The following LAMB4 variants were observed in gnomAD, a reference collection of about 807,000 sequenced individuals.
LAMB4 encodes laminin subunit beta 4.
A neutral mutation model predicts 199.2 loss-of-function variants in LAMB4; 196 were observed. The observed-to-expected ratio is 0.98, with a 90% CI of 0.88 to 1.11. The LOEUF is 1.11. LAMB4 is among the 50% of genes least tolerant of loss of function. The pLI is 0.00. For synonymous variants in LAMB4, 744 were observed against 770.6 expected, an observed-to-expected ratio of 0.97 and a Z score of 0.57; for missense variants, 2,080 against 2,171.2, an observed-to-expected ratio of 0.96 and a Z score of 0.83.
At chr7:108,108,908 T>C (rs1175249460) in intron 5 of LAMB4, among the ~76,000 whole-genome samples, 2 of 152,204 alleles carry the variant, frequency 1.3e-5, no homozygotes, top group Non-Finnish European at 2.9e-5. Flanking sequence ...ATAGTTCTTA[T>C]GGTTCCTATC....
chr7:108,017,333 C>G, the LAMB4 span, among the ~76,000 whole-genome samples: 1 of 152,106 alleles, frequency 6.6e-6, no homozygotes, highest in South Asian at 2.1e-4. Flanking sequence ...TAAGAGACAT[C>G]CTACCTAGGC....
At chr7:108,098,196 G>A (rs2037687855) in intron 11 of LAMB4, among the ~76,000 whole-genome samples, 1 of 152,150 alleles carries the variant, frequency 6.6e-6, no homozygotes, top group African/African-American at 2.4e-5. Context: ...ATCTGGGCGT[G>A]GTGGTGGTCG....
rs1307075599 is a variant in LAMB4, at chr7:108,029,149, T to C, written c.5040A>G (p.Thr1680=). ...KKQYAILQRK[T]STTGLTKETL... ...TCTCCTTTGTTAGTCCTGTAGTGCT[T>C]GTCTTACGTTGGAGAATAGCATATT... Residue 1680 remains threonine, a synonymous_variant, in exon 33 of 34, where the codon ACA becomes ACG. Transcript: ENST00000388781. 1.2e-6 allele frequency: 2 copies of C among 1,613,646 alleles called. No homozygotes were observed. Among genetic ancestry groups the C allele is most frequent in the South Asian group, 1.1e-5 (1 of 90,872 alleles).
intron 14 of LAMB4, among the ~76,000 whole-genome samples, chr7:108,087,161 C>T (rs568414609): frequency 2.0e-5 from 3 of 152,288 alleles, no homozygotes; most frequent in Non-Finnish European, 2.9e-5. Flanking sequence ...TGGGGTATTT[C>T]TCCATAATCT....
At position 108,040,781 on chromosome 7, in the gene LAMB4, A is replaced by G. The variant is rs182268909; in HGVS notation, c.4471+2971T>C. 1.8e-4 allele frequency among the ~76,000 whole-genome samples: 28 copies of G among 152,300 alleles called. No homozygotes were observed. In the East Asian group the frequency reaches 2.9e-3, roughly 16 times the overall value. ...AACTCAAGATGGATTAAAGACTAAA[A>G]TGTAAAACCCAAAAGTATAAAAACC... is the stretch of plus-strand genomic sequence containing the variant. On this transcript the variant is annotated intron_variant, in intron 29 of 33. Transcript: ENST00000388781.
rs2038728767 is a variant in LAMB4 at position 108,125,044 on chromosome 7, C to T, written c.-33-1847G>A. Among the ~76,000 whole-genome samples the T allele has an allele frequency of 3.3e-5, 5 of 152,310 alleles. No individual in the cohort carries two copies. The South Asian group carries it at 1.0e-3, about 32-fold the overall frequency. On this transcript the variant is annotated intron_variant, in intron 1 of 33. Coordinates refer to ENST00000388781, the MANE Select transcript of LAMB4 (RefSeq NM_007356.3). ...TAGGGTTCACTTTGGAAGTCCAATG[C>T]TGGAAAGTGACTCACTGAGAAACAG...
intron 33 of LAMB4, among the ~76,000 whole-genome samples, chr7:108,028,045 A>C (rs1423636589): frequency 6.6e-6 from 1 of 152,134 alleles, no homozygotes; most frequent in South Asian, 2.1e-4. Context: ...CAGCCTCCCA[A>C]AGTGTTGGGA....
At chr7:108,032,040 C>G (rs1246321756) in intron 31 of LAMB4, among the ~76,000 whole-genome samples, 4 of 152,004 alleles carry the variant, frequency 2.6e-5, no homozygotes, top group African/African-American at 9.7e-5. Context: ...ATGGTAATAT[C>G]CTCTGTCTGT....
chr7:108,064,902 T>C (rs1329332681), intron 21 of LAMB4, among the ~76,000 whole-genome samples: 1 of 151,976 alleles, frequency 6.6e-6, no homozygotes, highest in Non-Finnish European at 1.5e-5. Context: ...CCTTTTTTTT[T>C]TTTTTTTTAA....
At chr7:108,109,653 G>C (rs2038147693) in intron 4 of LAMB4, among the ~76,000 whole-genome samples, 1 of 152,206 alleles carries the variant, frequency 6.6e-6, no homozygotes, top group Non-Finnish European at 1.5e-5. Context: ...TCTTCCAAGA[G>C]CTGCTATAGT....
At chr7:108,068,198 G>A in intron 18 of LAMB4, 39 bp from the exon 19 acceptor site, 1 of 1,609,560 alleles carries the variant, frequency 6.2e-7, no homozygotes, top group Non-Finnish European at 8.5e-7. Flanking sequence ...AATGAATGAA[G>A]AGGCAGAGAA....
chr7:108,053,831 C>G (rs986593475), intron 25 of LAMB4, among the ~76,000 whole-genome samples: 3 of 152,198 alleles, frequency 2.0e-5, no homozygotes, highest in Non-Finnish European at 2.9e-5. Flanking sequence ...AGCTTGTGGT[C>G]CATGGGCCAA....
chr7:108,124,394 T>C (rs1406673599), intron 1 of LAMB4, among the ~76,000 whole-genome samples: 5 of 152,180 alleles, frequency 3.3e-5, no homozygotes, highest in Non-Finnish European at 5.9e-5. Context: ...ATATAGTAAA[T>C]GGAGCAGAAA....
At chr7:108,095,469 G>T in intron 11 of LAMB4, 132 bp from the exon 12 acceptor site, 1 of 653,444 alleles carries the variant, frequency 1.5e-6, no homozygotes, top group Non-Finnish European at 2.7e-6. Flanking sequence ...GGTTTATTGT[G>T]TGCCTGGCTG....
At chr7:108,085,198 C>T (rs1159757903) in intron 14 of LAMB4, among the ~76,000 whole-genome samples, 4 of 152,154 alleles carry the variant, frequency 2.6e-5, no homozygotes, top group Admixed American at 6.5e-5. Context: ...GTTGGTTGAA[C>T]ACATAGCAGG....
At chr7:108,023,254 C>T (rs566642705), downstream of LAMB4, among the ~76,000 whole-genome samples, 41 of 152,256 alleles carry the variant, frequency 2.7e-4, no homozygotes, top group African/African-American at 9.4e-4. Flanking sequence ...TCTGAAGGAT[C>T]GCTTTCACAA....
intron 30 of LAMB4, among the ~76,000 whole-genome samples, chr7:108,034,837 A>C (rs1432349844): frequency 1.3e-5 from 2 of 152,196 alleles, no homozygotes; most frequent in Non-Finnish European, 2.9e-5. Flanking sequence ...TAAGAAGCCC[A>C]AGGTTAAAAT....
chr7:108,122,106 G>T (rs907512138), intron 2 of LAMB4, among the ~76,000 whole-genome samples: 5 of 152,216 alleles, frequency 3.3e-5, no homozygotes, highest in African/African-American at 1.2e-4. Flanking sequence ...TCCAGAGAGA[G>T]GAGTCCCCTA....
At position 108,055,937 on chromosome 7, in the gene LAMB4, C is replaced by T; in HGVS notation, c.3450G>A (p.Arg1150=). 1.9e-6 allele frequency: 3 copies of T among 1,614,174 alleles called. No homozygotes were observed. Among genetic ancestry groups the T allele is most frequent in the Non-Finnish European group, 2.5e-6 (3 of 1,179,992 alleles). ...CACATCTCTGGCCGCTGACACCCTC[C>T]CGGCAGCGGCACATGCCTGTGTCTG... ...CDPDTGMCRC[R]EGVSGQRCDR... Residue 1150 remains arginine, a synonymous_variant, in exon 25 of 34, where the codon CGG becomes CGA. Coordinates refer to ENST00000388781, the MANE Select transcript of LAMB4 (RefSeq NM_007356.3).
Sources: allele counts gnomAD v4.1 joint callset (sites outside exome capture counted in the v4.1 genomes callset), GRCh38; gene constraint gnomAD v4.1.1; transcripts MANE v1.5; gene names NCBI Gene and HGNC (gene_info 2026-07-23, HGNC 2026-07-21).